The following KAZN variants were observed in gnomAD, a reference collection of about 807,000 sequenced individuals.
KAZN encodes kazrin, periplakin interacting protein.
KAZN carries 40 observed loss-of-function variants against 87.4 expected under a neutral mutation model. The observed-to-expected ratio is 0.46, with a 90% CI of 0.36 to 0.60. The LOEUF is 0.60. KAZN is among the 20% of genes least tolerant of loss of function. KAZN has a pLI of 0.00. For missense variants in KAZN, 898 were observed against 1,073.9 expected, an observed-to-expected ratio of 0.84 and a Z score of 2.29; for synonymous variants, 466 against 458.3, an observed-to-expected ratio of 1.02 and a Z score of -0.22.
At chr1:14,980,280 G>A (rs1174918671) in intron 2 of KAZN, among the ~76,000 whole-genome samples, 1 of 152,228 alleles carries the variant, frequency 6.6e-6, no homozygotes, top group Non-Finnish European at 1.5e-5. Context: ...AACTGGGAGA[G>A]TTTTGCAAGA....
chr1:14,902,278 T>G (rs1208091488), intron 1 of KAZN, among the ~76,000 whole-genome samples: 1 of 151,114 alleles, frequency 6.6e-6, no homozygotes, highest in Non-Finnish European at 1.5e-5. Context: ...CAGGCTGGAG[T>G]GCAGTGGCTC....
intron 1 of KAZN, among the ~76,000 whole-genome samples, chr1:14,867,611 C>T (rs1353047727): frequency 6.6e-6 from 1 of 152,118 alleles, no homozygotes. Flanking sequence ...TGTCCGTAGA[C>T]TGATGTCAGG....
rs185007531 is a variant in KAZN at position 14,710,809 on chromosome 1, G to A, written c.226+111586G>A. On this transcript the variant is annotated intron_variant, in intron 1 of 14. Coordinates refer to ENST00000376030, the MANE Select transcript of KAZN (RefSeq NM_201628.3). ...AGTGGAATGAAAGTTCTGGGACAGC[G>A]AGGTCTTGGTCTATTGTATGTTCTG... is the stretch of plus-strand genomic sequence containing the variant. Among the ~76,000 whole-genome samples, 130 of 152,284 alleles carry A rather than the reference G, an allele frequency of 8.5e-4. 1 individual carries two copies. The highest frequency in any genetic ancestry group is 1.5e-4 in the Non-Finnish European group (10 of 68,026).
At chr1:14,150,910 A>AG (rs1416555104) in intron 1 of KAZN, among the ~76,000 whole-genome samples, 1 of 152,236 alleles carries the variant, frequency 6.6e-6, no homozygotes, top group Non-Finnish European at 1.5e-5. Flanking sequence ...CACAGAAAAA[A>AG]AGAAAAGTCA....
At chr1:14,296,522 A>C in intron 2 of KAZN, among the ~76,000 whole-genome samples, 1 of 152,086 alleles carries the variant, frequency 6.6e-6, no homozygotes, top group Middle Eastern at 3.4e-3. Context: ...TTCAGGGAGC[A>C]TGAGCCCTTA....
At position 13,929,414 on chromosome 1, in the gene KAZN, G is replaced by C. The variant is rs189177073; in HGVS notation, c.91+35658G>C. ...CTCTTCATCTTCATGACTGCATTCA[G>C]GATCCCAAGGAAGAGATGGATTGTC... On this transcript the variant is annotated intron_variant, in intron 1 of 16. Transcript: ENST00000636203. Among the ~76,000 whole-genome samples, 525 of 152,272 alleles carry C rather than the reference G, an allele frequency of 3.4e-3. 4 individuals are homozygous for C. Among genetic ancestry groups the C allele is most frequent in the African/African-American group, 0.011 (476 of 41,556 alleles).
chr1:15,103,371 C>T lies in KAZN; in HGVS notation c.1792C>T (p.Arg598Cys), dbSNP rs1573310086. ...VNFSREALQE[R>C]RARCETQNID... ...GTCTCCCCACAAGGCCCTCCAGGAGCGCCGGGCCCGCTGCGAGACGCAGAA... is the reference window on the plus strand; with the variant it reads ...GTCTCCCCACAAGGCCCTCCAGGAGTGCCGGGCCCGCTGCGAGACGCAGAA... Residue 598 changes from arginine (R) to cysteine (C), a missense_variant, in exon 12 of 15, where the codon CGC becomes TGC. Coordinates refer to ENST00000376030, the MANE Select transcript of KAZN (RefSeq NM_201628.3). The T allele has an allele frequency of 1.3e-6, 2 of 1,551,446 alleles. No homozygotes were observed. Among genetic ancestry groups the T allele is most frequent in the Non-Finnish European group, 8.7e-7 (1 of 1,146,916 alleles).
chr1:14,625,449 G>C (rs569121161), intron 1 of KAZN, among the ~76,000 whole-genome samples: 10 of 152,242 alleles, frequency 6.6e-5, no homozygotes, highest in African/African-American at 2.4e-4. Context: ...AAAATGAACA[G>C]TTTAAAAGCA....
At chr1:14,838,492 T>C (rs1647543630) in intron 1 of KAZN, among the ~76,000 whole-genome samples, 1 of 152,182 alleles carries the variant, frequency 6.6e-6, no homozygotes, top group African/African-American at 2.4e-5. Flanking sequence ...ACCCAGAATC[T>C]TCCCTCTTGC....
At chr1:13,981,089 T>TATATATATATATATATATATATAATA (rs1553181094) in intron 1 of KAZN, among the ~76,000 whole-genome samples, 1 of 63,134 alleles carries the variant, frequency 1.6e-5, no homozygotes, top group African/African-American at 5.8e-5. Flanking sequence ...AAATTACTCT[T>TATATATATATATATATATATATAATA]TATATATATA....
At chr1:14,677,038 A>C (rs937126556) in intron 1 of KAZN, among the ~76,000 whole-genome samples, 1 of 152,216 alleles carries the variant, frequency 6.6e-6, no homozygotes, top group Non-Finnish European at 1.5e-5. Flanking sequence ...GAGTGTTACC[A>C]TCATCAACAG....
chr1:14,582,582 A>G (rs1366614202), intron 2 of KAZN, among the ~76,000 whole-genome samples: 1 of 152,176 alleles, frequency 6.6e-6, no homozygotes, highest in Non-Finnish European at 1.5e-5. Context: ...CAAATCTGGG[A>G]CATGTGGATG....
intron 1 of KAZN, among the ~76,000 whole-genome samples, chr1:14,009,854 AC>A (rs1640207240): frequency 6.6e-6 from 1 of 152,066 alleles, no homozygotes; most frequent in South Asian, 2.1e-4. Context: ...CTGAAGGAGA[AC>A]CCACTCTGTA....
At chr1:14,723,030 G>A (rs1643196945) in intron 1 of KAZN, among the ~76,000 whole-genome samples, 1 of 152,090 alleles carries the variant, frequency 6.6e-6, no homozygotes, top group Admixed American at 6.5e-5. Flanking sequence ...GGAGGCTGAG[G>A]CAGTAGGATC....
chr1:15,031,198 G>A (rs945652108), intron 2 of KAZN, among the ~76,000 whole-genome samples: 14 of 152,224 alleles, frequency 9.2e-5, no homozygotes, highest in African/African-American at 4.8e-5. Flanking sequence ...ACATAGGGTC[G>A]GGTGTCGACT....
intron 2 of KAZN, among the ~76,000 whole-genome samples, chr1:14,491,217 G>A (rs1399080766): frequency 6.6e-6 from 1 of 152,142 alleles, no homozygotes; most frequent in East Asian, 1.9e-4. Flanking sequence ...GCTGTTATAA[G>A]CAAAGCTATT....
At chr1:14,319,114 T>A (rs1203590512) in intron 2 of KAZN, among the ~76,000 whole-genome samples, 1 of 151,666 alleles carries the variant, frequency 6.6e-6, no homozygotes, top group African/African-American at 2.4e-5. Context: ...TCAGGTAATT[T>A]TTTATTGAAT....
At chr1:14,723,224 GC>G (rs1189280332) in intron 1 of KAZN, among the ~76,000 whole-genome samples, 1 of 152,142 alleles carries the variant, frequency 6.6e-6, no homozygotes, top group Non-Finnish European at 1.5e-5. Flanking sequence ...TTGACCTATT[GC>G]AAAGAGATCC....
chr1:14,572,549 G>A (rs1260440187), intron 2 of KAZN, among the ~76,000 whole-genome samples: 1 of 152,232 alleles, frequency 6.6e-6, no homozygotes, highest in African/African-American at 2.4e-5. Flanking sequence ...GGCCTGGGAA[G>A]CAAGAGTATA....
Sources: allele counts gnomAD v4.1 joint callset (sites outside exome capture counted in the v4.1 genomes callset), GRCh38; gene constraint gnomAD v4.1.1; transcripts MANE v1.5; gene names NCBI Gene and HGNC (gene_info 2026-07-23, HGNC 2026-07-21).